The following SPMIP2 variants were observed in gnomAD, a reference collection of about 807,000 sequenced individuals.
The protein encoded by SPMIP2 is sperm microtubule inner protein 2.
At chr4:159,072,885 C>T in the SPMIP2 span, among the ~76,000 whole-genome samples, 1 of 152,142 alleles carries the variant, frequency 6.6e-6, no homozygotes, top group Admixed American at 6.5e-5. Context: ...GTGAATTATG[C>T]TGGCTTCCTA....
At chr4:158,974,240 AAT>A in the SPMIP2 span, among the ~76,000 whole-genome samples, 1 of 152,154 alleles carries the variant, frequency 6.6e-6, no homozygotes, top group Non-Finnish European at 1.5e-5. Context: ...CAAAAAAAAA[AAT>A]CAATGAATTA....
chr4:158,902,011 C>T, the SPMIP2 span, among the ~76,000 whole-genome samples: 1 of 152,054 alleles, frequency 6.6e-6, no homozygotes, highest in Non-Finnish European at 1.5e-5. Flanking sequence ...CTCAATTCTC[C>T]ATCCAGTTTT....
At chr4:158,970,489 A>G in the SPMIP2 span, among the ~76,000 whole-genome samples, 1 of 152,042 alleles carries the variant, frequency 6.6e-6, no homozygotes, top group Admixed American at 6.6e-5. Flanking sequence ...GCAGTGAGCT[A>G]TGAGCATGCC....
the SPMIP2 span, among the ~76,000 whole-genome samples, chr4:158,965,250 ATT>A: frequency 0.011 from 1,587 of 150,652 alleles, 11 homozygotes; most frequent in African/African-American, 0.012. Context: ...ATACACCAGG[ATT>A]TTTTTTTTTT....
At chr4:158,940,992 G>A in the SPMIP2 span, among the ~76,000 whole-genome samples, 1,211 of 152,230 alleles carry the variant, frequency 8.0e-3, 19 homozygotes, top group African/African-American at 0.028. Flanking sequence ...TCCAGAATCA[G>A]CCATTTCTTC....
the SPMIP2 span, among the ~76,000 whole-genome samples, chr4:158,983,411 G>T: frequency 6.6e-6 from 1 of 151,626 alleles, no homozygotes; most frequent in Non-Finnish European, 1.5e-5. Flanking sequence ...CAGCCAGAGA[G>T]AAAGGTCGGG....
the SPMIP2 span, among the ~76,000 whole-genome samples, chr4:158,918,497 C>A: frequency 6.6e-6 from 1 of 152,174 alleles, no homozygotes; most frequent in Non-Finnish European, 1.5e-5. Flanking sequence ...CTATTTCATG[C>A]AAATGTCACC....
the SPMIP2 span, among the ~76,000 whole-genome samples, chr4:158,942,975 T>C: frequency 2.0e-5 from 3 of 152,326 alleles, no homozygotes; most frequent in East Asian, 5.8e-4. Flanking sequence ...GTCCATAGTT[T>C]GATGGAATAA....
the SPMIP2 span, among the ~76,000 whole-genome samples, chr4:158,993,373 AAAG>A: frequency 6.6e-6 from 1 of 152,022 alleles, no homozygotes; most frequent in East Asian, 1.9e-4. Context: ...TCTCTAAAAA[AAAG>A]AAGAAAAAAA....
the SPMIP2 span, among the ~76,000 whole-genome samples, chr4:158,962,621 G>T: frequency 6.6e-6 from 1 of 152,062 alleles, no homozygotes; most frequent in African/African-American, 2.4e-5. Context: ...AACCCCTTAG[G>T]TGTCTTTCTT....
the SPMIP2 span, among the ~76,000 whole-genome samples, chr4:159,075,189 T>A: frequency 6.6e-6 from 1 of 152,126 alleles, no homozygotes; most frequent in Middle Eastern, 3.2e-3. Flanking sequence ...TGGGTGGTGA[T>A]CTGGAGGGTC....
At chr4:159,068,385 T>C in the SPMIP2 span, among the ~76,000 whole-genome samples, 1 of 152,000 alleles carries the variant, frequency 6.6e-6, no homozygotes, top group East Asian at 1.9e-4. Flanking sequence ...CTGGAAACCA[T>C]CATTCTCAGC....
the SPMIP2 span, among the ~76,000 whole-genome samples, chr4:159,074,962 A>G: frequency 1.9e-3 from 289 of 152,314 alleles, 1 homozygote; most frequent in Non-Finnish European, 2.7e-3. Context: ...GGCCTTACCA[A>G]TCTGAAGTCT....
chr4:158,925,762 CA>C, the SPMIP2 span, among the ~76,000 whole-genome samples: 2 of 152,184 alleles, frequency 1.3e-5, no homozygotes, highest in African/African-American at 4.8e-5. Context: ...GTCTACAGCC[CA>C]GGGGATGGGG....
the SPMIP2 span, among the ~76,000 whole-genome samples, chr4:159,009,140 G>A: frequency 6.6e-6 from 1 of 152,192 alleles, no homozygotes; most frequent in African/African-American, 2.4e-5. Context: ...GTTCTCTCAA[G>A]AAGGTACAAA....
the SPMIP2 span, among the ~76,000 whole-genome samples, chr4:159,020,906 C>T: frequency 4.6e-5 from 7 of 152,084 alleles, no homozygotes; most frequent in Non-Finnish European, 8.8e-5. Context: ...GGACTACAGG[C>T]GCCCACCACC....
At chr4:158,966,659 TATTTAC>T in the SPMIP2 span, among the ~76,000 whole-genome samples, 2 of 152,232 alleles carry the variant, frequency 1.3e-5, no homozygotes, top group Admixed American at 6.5e-5. Flanking sequence ...TAAAAGGTGA[TATTTAC>T]ATTTAGACAC....
chr4:158,931,107 AT>A, the SPMIP2 span, among the ~76,000 whole-genome samples: 13 of 143,780 alleles, frequency 9.0e-5, no homozygotes, highest in East Asian at 8.2e-4. Context: ...ATTTTTCTTC[AT>A]TTTTTTTTTC....
the SPMIP2 span, among the ~76,000 whole-genome samples, chr4:159,068,541 T>A: frequency 6.1e-4 from 93 of 151,420 alleles, no homozygotes; most frequent in South Asian, 9.2e-3. Context: ...GGATAGCATT[T>A]GGAGATATAC....
Sources: gnomAD v4.1 joint callset for allele counts (sites outside exome capture counted in the v4.1 genomes callset) on GRCh38, gnomAD v4.1.1 for gene constraint, MANE v1.5 for transcripts, NCBI Gene and HGNC (gene_info 2026-07-23, HGNC 2026-07-21) for gene names.